The following DZIP1 variants were observed in gnomAD, a reference collection of about 807,000 sequenced individuals.
DZIP1 encodes the protein DAZ interacting zinc finger protein 1.
Under a neutral mutation model 107.6 loss-of-function variants are expected in DZIP1, and 97 were observed. The ratio of observed to expected loss-of-function variants is 0.90; its 90% CI spans 0.77 to 1.07. DZIP1 has a LOEUF of 1.07. DZIP1 is among the 50% of genes least tolerant of loss of function. The pLI, the probability that DZIP1 is intolerant of heterozygous loss-of-function variation, is 0.00. For synonymous variants in DZIP1, 390 were observed against 386.4 expected (o/e 1.01, Z -0.11); for missense variants, 1,035 against 1,063.6 (o/e 0.97, Z 0.37).
chr13:95,600,410 G>A (rs560448748), intron 14 of DZIP1, among the ~76,000 whole-genome samples: 1 of 152,202 alleles, frequency 6.6e-6, no homozygotes, highest in East Asian at 1.9e-4. Flanking sequence ...GGTAAAAATG[G>A]CCAACAGTTA....
At chr13:95,585,519 T>C (rs1022600214) in intron 21 of DZIP1, among the ~76,000 whole-genome samples, 19 of 152,216 alleles carry the variant, frequency 1.2e-4, no homozygotes, top group Admixed American at 6.5e-5. Context: ...TAGAGCTCCA[T>C]CCACAGAAAC....
Position 95,644,432 on chromosome 13 carries a change from C to T in DZIP1, c.-581G>A, listed in dbSNP as rs1226018855. The T allele has an allele frequency of 6.6e-6, 1 of 152,658 alleles. No homozygotes were observed. The highest frequency in any genetic ancestry group is 1.5e-5 in the Non-Finnish European group (1 of 68,464). 9.5% of individuals were successfully genotyped at this position (152,658 alleles called of 1,614,324 possible). On this transcript the variant is annotated 5_prime_UTR_variant, in exon 1 of 23. The change creates a new upstream start codon in the 5' untranslated region. Coordinates refer to ENST00000376829, the MANE Select transcript of DZIP1 (RefSeq NM_198968.4). ...GCGCTGCAGGCGGGCGGGGGCGACACAGGGGACCCAGACCCCAGGGTCGCT... is the reference window on the plus strand; with the variant it reads ...GCGCTGCAGGCGGGCGGGGGCGACATAGGGGACCCAGACCCCAGGGTCGCT...
chr13:95,599,888 A>G (rs1181701707), intron 14 of DZIP1, among the ~76,000 whole-genome samples: 3 of 152,234 alleles, frequency 2.0e-5, no homozygotes, highest in African/African-American at 7.2e-5. Flanking sequence ...GGTAAGACCC[A>G]GAATATAAAA....
At chr13:95,630,480 C>G (rs992078939) in intron 6 of DZIP1, among the ~76,000 whole-genome samples, 2 of 152,002 alleles carry the variant, frequency 1.3e-5, no homozygotes, top group Middle Eastern at 6.3e-3. Flanking sequence ...AGAAGGCAAG[C>G]AACAGCTTCC....
intron 14 of DZIP1, among the ~76,000 whole-genome samples, chr13:95,605,069 C>A (rs551464365): frequency 2.6e-5 from 4 of 151,796 alleles, no homozygotes; most frequent in Non-Finnish European, 5.9e-5. Flanking sequence ...AAATGATCTT[C>A]GGGAAAAAAA....
Position 95,593,953 on chromosome 13 carries a change from C to T in DZIP1, c.1671G>A (p.Gly557=). ...QNLMEKLETL[G]INADIRGISS... Reference sequence around the variant, plus strand: ...AAATGAATGAACATACTGCATTAATCCCCAAGGTTTCCAGTTTCTCCATCA... The same window carrying T: ...AAATGAATGAACATACTGCATTAATTCCCAAGGTTTCCAGTTTCTCCATCA... Residue 557 remains glycine, a synonymous_variant, in exon 16 of 23, where the codon GGG becomes GGA. Coordinates refer to ENST00000376829, the MANE Select transcript of DZIP1 (RefSeq NM_198968.4). 12 of 1,606,222 alleles carry T rather than the reference C, an allele frequency of 7.5e-6. No homozygotes were observed. The highest frequency in any genetic ancestry group is 1.0e-5 in the Non-Finnish European group (12 of 1,177,686).
intron 6 of DZIP1, 62 bp from the exon 7 acceptor site, chr13:95,630,175 G>C (rs1176766610): frequency 5.8e-6 from 9 of 1,563,320 alleles, no homozygotes; most frequent in South Asian, 1.2e-5. Flanking sequence ...GGAAACTTAT[G>C]GGGTACAGTC....
intron 12 of DZIP1, 101 bp downstream of exon 12, chr13:95,611,344 C>T (rs2044997312): frequency 1.2e-6 from 1 of 821,536 alleles, no homozygotes; most frequent in Non-Finnish European, 2.0e-6. Flanking sequence ...AGAAGAATGC[C>T]ATCTTAGCAC....
At chr13:95,589,342 G>T in intron 18 of DZIP1, 135 bp from the exon 19 acceptor site, 1 of 667,982 alleles carries the variant, frequency 1.5e-6, no homozygotes, top group Non-Finnish European at 2.6e-6. Context: ...GTCACCCAGC[G>T]TCAGTTAGAG....
chr13:95,609,176 G>C lies in DZIP1; in HGVS notation c.1420+281C>G, dbSNP rs979260908. ...GTGTATCACTTTGAGAAGTCTACAA[G>C]TATAAACTAAGGTGATGCCAAGGAA... is the stretch of plus-strand genomic sequence containing the variant. On this transcript the variant is annotated intron_variant, in intron 13 of 22. Coordinates refer to ENST00000376829, the MANE Select transcript of DZIP1 (RefSeq NM_198968.4). 7.9e-5 allele frequency among the ~76,000 whole-genome samples: 12 copies of C among 152,204 alleles called. 1 individual carries two copies. Among genetic ancestry groups the C allele is most frequent in the African/African-American group, 2.4e-5 (1 of 41,442 alleles).
At chr13:95,609,434 C>T (rs1305977206) in intron 13 of DZIP1, 23 bp downstream of exon 13, 1 of 1,495,846 alleles carries the variant, frequency 6.7e-7, no homozygotes, top group Non-Finnish European at 8.9e-7. Flanking sequence ...CTTTGGAGCC[C>T]TGCATCTATT....
At chr13:95,633,716 A>G (rs1231374414) in intron 5 of DZIP1, among the ~76,000 whole-genome samples, 1 of 151,544 alleles carries the variant, frequency 6.6e-6, no homozygotes, top group East Asian at 1.9e-4. Context: ...AGGTACCTGA[A>G]GCACTACCTC....
In DZIP1 at chr13:95,617,510, T is replaced by C. The variant is rs1226054746; in HGVS notation, c.1173+2375A>G. ...ACATGCCATCTTCACCCACTCAATT[T>C]GTGGTCATTTGCTACACAGAATAGA... On this transcript the variant is annotated intron_variant, in intron 10 of 22. Transcript: ENST00000376829. Among the ~76,000 whole-genome samples the C allele has an allele frequency of 7.9e-5, 12 of 152,124 alleles. 1 individual carries two copies. Among genetic ancestry groups the C allele is most frequent in the African/African-American group, 2.9e-4 (12 of 41,422 alleles).
intron 6 of DZIP1, among the ~76,000 whole-genome samples, chr13:95,630,985 G>A (rs1367367222): frequency 6.6e-6 from 1 of 152,152 alleles, no homozygotes; most frequent in East Asian, 1.9e-4. Flanking sequence ...AGTGATTCAA[G>A]ACTTATTAAT....
chr13:95,611,747 GT>G (rs2045014632), intron 11 of DZIP1, among the ~76,000 whole-genome samples: 1 of 152,134 alleles, frequency 6.6e-6, no homozygotes, highest in African/African-American at 2.4e-5. Context: ...TCTTTTTAAA[GT>G]TGCATTTGTA....
At chr13:95,605,027 T>A (rs145167024) in intron 14 of DZIP1, among the ~76,000 whole-genome samples, 1 of 152,174 alleles carries the variant, frequency 6.6e-6, no homozygotes, top group African/African-American at 2.4e-5. Context: ...TTACGTATTG[T>A]GATCACATAC....
intron 14 of DZIP1, among the ~76,000 whole-genome samples, chr13:95,604,485 G>C (rs530787961): frequency 6.6e-6 from 1 of 152,256 alleles, no homozygotes; most frequent in Admixed American, 6.5e-5. Flanking sequence ...GGTCTGGCTG[G>C]CATTTAAAAC....
rs1424297788 is a variant in DZIP1, at chr13:95,640,005, T to A, written c.597+1290A>T. ...TCTTTTTTATTTTTATTTATTTTTT[T>A]TTTTTTGAGATAGATTCTCACTCTG... On this transcript the variant is annotated intron_variant, in intron 5 of 22. Transcript: ENST00000376829. Among the ~76,000 whole-genome samples, 7 of 151,728 alleles carry A rather than the reference T, an allele frequency of 4.6e-5. No homozygotes were observed. The South Asian group carries it at 6.2e-4, about 13-fold the overall frequency.
intron 5 of DZIP1, among the ~76,000 whole-genome samples, chr13:95,639,558 G>A (rs1351595235): frequency 2.9e-5 from 4 of 139,372 alleles, no homozygotes; most frequent in East Asian, 2.2e-4. Context: ...ACCCCTGCAC[G>A]CCAGCCTGGG....
Sources: allele counts gnomAD v4.1 joint callset (sites outside exome capture counted in the v4.1 genomes callset), GRCh38; gene constraint gnomAD v4.1.1; transcripts MANE v1.5; gene names NCBI Gene and HGNC (gene_info 2026-07-23, HGNC 2026-07-21).